Variants in TMEM132B observed in about 807,000 individuals in gnomAD.
TMEM132B encodes the protein transmembrane protein 132B.
TMEM132B carries 18 observed loss-of-function variants against 90.8 expected under a neutral mutation model. That is an observed-to-expected ratio of 0.20 (90% CI 0.14 to 0.29). The LOEUF (loss-of-function observed/expected upper bound fraction) is 0.29, where lower values mean the gene tolerates loss of function less well. Ranked by LOEUF, TMEM132B falls within the 10% of genes least tolerant of loss-of-function variation. TMEM132B has a pLI of 1.00. For synonymous variants in TMEM132B, 504 were observed against 523.3 expected (o/e 0.96, Z 0.50); for missense variants, 1,096 against 1,326.8 (o/e 0.83, Z 2.70).
At chr12:125,454,560 A>T (rs974784874) in intron 3 of TMEM132B, among the ~76,000 whole-genome samples, 3 of 152,274 alleles carry the variant, frequency 2.0e-5, no homozygotes, top group Non-Finnish European at 4.4e-5. Flanking sequence ...TTGCAAAGAC[A>T]GAGCTGTGAT....
chr12:125,624,902 C>T (rs1349655727), intron 5 of TMEM132B, among the ~76,000 whole-genome samples: 1 of 152,080 alleles, frequency 6.6e-6, no homozygotes, highest in Non-Finnish European at 1.5e-5. Flanking sequence ...TTGTGTAGAA[C>T]TCTATGCAGT....
At position 125,305,275 on chromosome 12, in the gene TMEM132B, C is replaced by T. The variant is rs916414839; in HGVS notation, c.68-44177C>T. ...CCTGTGTGAGTAAATACTGCTGAGACCTTTTAGCTGCAAACCTTGACATAC... is the reference window on the plus strand; with the variant it reads ...CCTGTGTGAGTAAATACTGCTGAGATCTTTTAGCTGCAAACCTTGACATAC... On this transcript the variant is annotated intron_variant, in intron 1 of 8. Transcript: ENST00000682704. 2.0e-5 allele frequency among the ~76,000 whole-genome samples: 3 copies of T among 151,276 alleles called. No individual in the cohort carries two copies. In the Admixed American group the frequency reaches 2.0e-4, roughly 10 times the overall value.
chr12:125,647,793 G>A (rs1043437362), intron 6 of TMEM132B, among the ~76,000 whole-genome samples: 2 of 151,644 alleles, frequency 1.3e-5, no homozygotes, highest in Non-Finnish European at 2.9e-5. Flanking sequence ...ACTTTCCTTC[G>A]CATCAATTTT....
chr12:125,335,955 C>G (rs1876942506), intron 1 of TMEM132B, among the ~76,000 whole-genome samples: 1 of 152,134 alleles, frequency 6.6e-6, no homozygotes, highest in African/African-American at 2.4e-5. Flanking sequence ...CCACTGCACT[C>G]CAGCCTGGGC....
intron 3 of TMEM132B, among the ~76,000 whole-genome samples, chr12:125,467,134 C>T (rs1593160540): frequency 6.6e-6 from 1 of 152,174 alleles, no homozygotes; most frequent in South Asian, 2.1e-4. Context: ...TCAACCACTA[C>T]CCTCCCTCTC....
chr12:125,583,835 C>T lies in TMEM132B; in HGVS notation c.1294-16C>T, dbSNP rs756540192. 6.2e-7 allele frequency: 1 copy of T among 1,613,532 alleles called. No homozygotes were observed. The highest frequency in any genetic ancestry group is 1.1e-5 in the South Asian group (1 of 91,028). ...ATGCACGTTTGCTGATCTGAGCCCT[C>T]TCCTCTCCTGTTTAGGACACCGAGG... is the stretch of plus-strand genomic sequence containing the variant. On this transcript the variant is annotated splice_polypyrimidine_tract_variant and intron_variant, in intron 4 of 8. Coordinates refer to ENST00000682704, the MANE Select transcript of TMEM132B (RefSeq NM_001366854.1).
In TMEM132B at chr12:125,650,815, C is replaced by T. The variant is rs1339578509; in HGVS notation, c.1776C>T (p.Thr592=). ...AGTCACCTGACTTAGGGCAGCTGACCTACATGCTGGGCCCCGACTGGCAGT... is the reference window on the plus strand; with the variant it reads ...AGTCACCTGACTTAGGGCAGCTGACTTACATGCTGGGCCCCGACTGGCAGT... ...VAESPDLGQL[T]YMLGPDWQFD... Residue 592 remains threonine (T), a synonymous_variant, in exon 7 of 9, where the codon ACC becomes ACT. Coordinates refer to ENST00000682704, the MANE Select transcript of TMEM132B (RefSeq NM_001366854.1). 1 of 1,614,224 alleles carries T rather than the reference C, an allele frequency of 6.2e-7. No homozygotes were observed. Among genetic ancestry groups the T allele is most frequent in the African/African-American group, 1.3e-5 (1 of 75,062 alleles).
At chr12:125,651,716 A>T (rs1886929415) in intron 7 of TMEM132B, among the ~76,000 whole-genome samples, 1 of 152,228 alleles carries the variant, frequency 6.6e-6, no homozygotes, top group Non-Finnish European at 1.5e-5. Flanking sequence ...TCAGGGCACC[A>T]TGAGGCTGAA....
At chr12:125,316,356 G>A (rs1876273730) in intron 1 of TMEM132B, among the ~76,000 whole-genome samples, 1 of 152,144 alleles carries the variant, frequency 6.6e-6, no homozygotes, top group Non-Finnish European at 1.5e-5. Flanking sequence ...TGCATGGCCT[G>A]CCCCTGCCCT....
At chr12:125,483,861 T>A (rs770399397) in intron 3 of TMEM132B, among the ~76,000 whole-genome samples, 2 of 152,178 alleles carry the variant, frequency 1.3e-5, no homozygotes, top group Non-Finnish European at 2.9e-5. Context: ...ATGATTGCCT[T>A]GTTTCCAGCC....
At chr12:125,312,660 C>T (rs1469804459) in intron 1 of TMEM132B, among the ~76,000 whole-genome samples, 3 of 152,206 alleles carry the variant, frequency 2.0e-5, no homozygotes, top group Non-Finnish European at 4.4e-5. Context: ...TTGCATTCCA[C>T]TCAGGGACAG....
At chr12:125,525,521 C>T (rs562837684) in intron 4 of TMEM132B, among the ~76,000 whole-genome samples, 50 of 152,342 alleles carry the variant, frequency 3.3e-4, no homozygotes, top group Admixed American at 8.5e-4. Context: ...ATCTTGGAAG[C>T]AAAGAGACCA....
intron 1 of TMEM132B, among the ~76,000 whole-genome samples, chr12:125,244,915 C>T (rs933681558): frequency 4.6e-5 from 7 of 152,162 alleles, no homozygotes; most frequent in East Asian, 3.9e-4. Context: ...CCACCATCTG[C>T]GTGAATTCAC....
In TMEM132B at chr12:125,432,528, TAGAGAGAG is replaced by T. The variant is rs1163300235; in HGVS notation, c.1106+16883_1106+16890del. Among the ~76,000 whole-genome samples the T allele has an allele frequency of 1.5e-4, 6 of 39,116 alleles. 2 individuals carry two copies. The highest frequency in any genetic ancestry group is 5.2e-4 in the Admixed American group (2 of 3,828). The allele number at this position is 39,116 out of a possible 152,430, so 25.7% of individuals were successfully genotyped here. ...GTGTGTGTGTATATATATATATATA[TAGAGAGAG>T]AGAGAGAGAGAGAGAGAGAGAGAGA... On this transcript the variant is annotated intron_variant, in intron 3 of 8. Transcript: ENST00000682704.
chr12:125,468,538 G>A (rs1158878369), intron 3 of TMEM132B, among the ~76,000 whole-genome samples: 1 of 152,188 alleles, frequency 6.6e-6, no homozygotes, highest in Non-Finnish European at 1.5e-5. Context: ...TTTCCCCATA[G>A]TGTATGTGGC....
rs1883204734 is a variant in TMEM132B at position 125,517,745 on chromosome 12, G to C, written c.1107-1694G>C. Among the ~76,000 whole-genome samples, 5 of 152,074 alleles carry C rather than the reference G, an allele frequency of 3.3e-5. No homozygotes were observed. In the South Asian group the frequency reaches 1.0e-3, roughly 32 times the overall value. ...TTCCATCCCCATAATTCTACTGAAA[G>C]TAGAAAGACCAATATTATTGTTATT... On this transcript the variant is annotated intron_variant, in intron 3 of 8. Coordinates refer to ENST00000682704, the MANE Select transcript of TMEM132B (RefSeq NM_001366854.1).
chr12:125,598,986 C>T (rs1481026784), intron 5 of TMEM132B, among the ~76,000 whole-genome samples: 2 of 152,154 alleles, frequency 1.3e-5, no homozygotes, highest in Non-Finnish European at 2.9e-5. Flanking sequence ...ATCCTCAAAG[C>T]AGTGATCACA....
intron 5 of TMEM132B, among the ~76,000 whole-genome samples, chr12:125,596,933 AG>A (rs1481245902): frequency 6.6e-6 from 1 of 152,202 alleles, no homozygotes; most frequent in Non-Finnish European, 1.5e-5. Flanking sequence ...GGCCACATGT[AG>A]GGACAGTGAC....
At chr12:125,546,494 T>G (rs1884098266) in intron 4 of TMEM132B, among the ~76,000 whole-genome samples, 1 of 152,230 alleles carries the variant, frequency 6.6e-6, no homozygotes, top group Admixed American at 6.5e-5. Context: ...AAGTATTGTC[T>G]TTCTGATGCT....
Sources: gnomAD v4.1 joint callset for allele counts (sites outside exome capture counted in the v4.1 genomes callset) on GRCh38, gnomAD v4.1.1 for gene constraint, MANE v1.5 for transcripts, NCBI Gene and HGNC (gene_info 2026-07-23, HGNC 2026-07-21) for gene names.